Variants in TECTA observed in about 807,000 individuals in gnomAD.
TECTA encodes the protein tectorin alpha.
A neutral mutation model predicts 216.8 loss-of-function variants in TECTA; 128 were observed. The ratio of observed to expected loss-of-function variants is 0.59; its 90% CI spans 0.51 to 0.68. The LOEUF (loss-of-function observed/expected upper bound fraction) is 0.68. Ranked by LOEUF, TECTA falls within the 30% of genes least tolerant of loss-of-function variation. The pLI is 0.00. For missense variants in TECTA, 2,551 were observed against 2,786.2 expected (o/e 0.92, Z 1.90); for synonymous variants, 1,089 against 1,117.1 (o/e 0.97, Z 0.50).
rs983781257 is a variant in TECTA at position 121,152,815 on chromosome 11, G to A, written c.4106-66G>A. The A allele has an allele frequency of 2.0e-5, 30 of 1,524,148 alleles. 1 individual carries two copies. In the South Asian group the frequency reaches 3.0e-4, roughly 15 times the overall value. The allele number at this position is 1,524,148 out of a possible 1,614,324, so 94.4% of individuals were successfully genotyped here. A position where few individuals can be genotyped will look rare whatever the true frequency, so the allele number is the denominator to read the frequency against. On this transcript the variant is annotated intron_variant, in intron 12 of 23. Transcript: ENST00000392793. ...CATCTCCCTGAGTAGGTGAGCAATG[G>A]CCATGAGAAAACCCTCCTCGGTGCC...
Position 121,165,298 on chromosome 11 carries a change from G to T in TECTA, c.5298G>T (p.Val1766=), listed in dbSNP as rs748070222. 66 of 1,607,342 alleles carry T rather than the reference G, an allele frequency of 4.1e-5. No individual in the cohort carries two copies. The highest frequency in any genetic ancestry group is 1.7e-5 in the Non-Finnish European group (20 of 1,177,118). ...CAGGAGTGGTTGAAGATCCCTGTGTGGGGGCGGACTGTCCCAACCGAACTT... is the reference window on the plus strand; with the variant it reads ...CAGGAGTGGTTGAAGATCCCTGTGTTGGGGCGGACTGTCCCAACCGAACTT... The part of the protein sequence containing the change: ...NCSGVVEDPC[V]GADCPNRTCE... Residue 1766 remains valine (V), a synonymous_variant, in exon 17 of 24, where the codon GTG becomes GTT. Coordinates refer to ENST00000392793, the MANE Select transcript of TECTA (RefSeq NM_005422.4).
At position 121,165,311 on chromosome 11, in the gene TECTA, C is replaced by G; in HGVS notation, c.5311C>G (p.Pro1771Ala). Reference sequence around the variant, plus strand: ...AGATCCCTGTGTGGGGGCGGACTGTCCCAACCGAACTTGCGAGCTGGGCAA... The same window carrying G: ...AGATCCCTGTGTGGGGGCGGACTGTGCCAACCGAACTTGCGAGCTGGGCAA... ...VEDPCVGADC[P>A]NRTCELGNGR... Residue 1771 changes from proline to alanine, a missense_variant, in exon 17 of 24, where the codon CCC (proline) becomes GCC (alanine). Pro to Ala is a conservative substitution (Grantham distance 27). Around this residue, in one of 3 missense-constraint regions of TECTA, gnomAD observed 2,375 missense variants for 2,563.9 expected, o/e 0.93. Coordinates refer to ENST00000392793, the MANE Select transcript of TECTA (RefSeq NM_005422.4). 6.2e-7 allele frequency: 1 copy of G among 1,608,594 alleles called. No individual in the cohort carries two copies. The highest frequency in any genetic ancestry group is 1.1e-5 in the South Asian group (1 of 89,192).
intron 20 of TECTA, among the ~76,000 whole-genome samples, chr11:121,172,812 A>C (rs1591466248): frequency 6.6e-6 from 1 of 151,958 alleles, no homozygotes; most frequent in Non-Finnish European, 1.5e-5. Flanking sequence ...CCAACAGTGT[A>C]AAAGTGTTCC....
intron 13 of TECTA, among the ~76,000 whole-genome samples, chr11:121,154,697 AT>A (rs1483362129): frequency 1.3e-5 from 2 of 152,216 alleles, no homozygotes; most frequent in Non-Finnish European, 2.9e-5. Flanking sequence ...AAACGCTGTC[AT>A]TTCTCTGAGC....
chr11:121,138,900 T>C (rs1167383879), intron 11 of TECTA, among the ~76,000 whole-genome samples: 1 of 152,228 alleles, frequency 6.6e-6, no homozygotes, highest in Non-Finnish European at 1.5e-5. Context: ...TGTGTCATAA[T>C]TTTTCTATCT....
Position 121,127,601 on chromosome 11 carries a change from A to T in TECTA, c.1775-151A>T. 1.2e-6 allele frequency: 1 copy of T among 822,328 alleles called. No homozygotes were observed. Among genetic ancestry groups the T allele is most frequent in the Non-Finnish European group, 2.0e-6 (1 of 491,850 alleles). 50.9% of individuals were successfully genotyped at this position (822,328 alleles called of 1,614,324 possible). A position where few individuals can be genotyped will look rare whatever the true frequency, so the allele number is the denominator to read the frequency against. On this transcript the variant is annotated intron_variant, in intron 8 of 23. Transcript: ENST00000392793. This position sits in a 1 kb window ranked among gnomAD's most constrained non-coding sequence, Gnocchi z 5.0. ...TAGGAGAGTCATTGAGCTGGGTTTTACAGATACAACCTCAATTCTGTCTTC... is the reference window on the plus strand; with the variant it reads ...TAGGAGAGTCATTGAGCTGGGTTTTTCAGATACAACCTCAATTCTGTCTTC...
intron 6 of TECTA, among the ~76,000 whole-genome samples, chr11:121,115,570 A>G (rs1161712530): frequency 1.3e-5 from 2 of 152,182 alleles, no homozygotes; most frequent in East Asian, 1.9e-4. Flanking sequence ...CCCCTCAGAT[A>G]GAAGCTTGGA....
chr11:121,146,402 C>T (rs553117496), intron 12 of TECTA: 25 of 482,036 alleles, frequency 5.2e-5, no homozygotes, highest in African/African-American at 1.6e-4. Flanking sequence ...GGCACTTGGA[C>T]GCACAAAGTT....
intron 11 of TECTA, among the ~76,000 whole-genome samples, chr11:121,144,960 A>G (rs1282295355): frequency 6.6e-6 from 1 of 152,066 alleles, no homozygotes; most frequent in Non-Finnish European, 1.5e-5. Flanking sequence ...AGTATAAATA[A>G]CCTGCCCTGG....
chr11:121,173,133 G>T (rs1289475274), intron 20 of TECTA, among the ~76,000 whole-genome samples: 1 of 152,098 alleles, frequency 6.6e-6, no homozygotes, highest in African/African-American at 2.4e-5. Context: ...CTCCCATTTT[G>T]CAGGTTGCCT....
chr11:121,165,315 A>G lies in TECTA; in HGVS notation c.5315A>G (p.Asn1772Ser). 1 of 1,608,948 alleles carries G rather than the reference A, an allele frequency of 6.2e-7. No homozygotes were observed. Among genetic ancestry groups the G allele is most frequent in the South Asian group, 1.1e-5 (1 of 89,258 alleles). Residue 1772 changes from asparagine to serine, a missense_variant, in exon 17 of 24, where the codon AAC (asparagine) becomes AGC (serine). Physicochemically the swap from Asn to Ser is conservative, Grantham distance 46. Around this residue, in one of 3 missense-constraint regions of TECTA, gnomAD observed 2,375 missense variants for 2,563.9 expected, o/e 0.93. Transcript: ENST00000392793. ...CCCTGTGTGGGGGCGGACTGTCCCAACCGAACTTGCGAGCTGGGCAATGGC... is the reference window on the plus strand; with the variant it reads ...CCCTGTGTGGGGGCGGACTGTCCCAGCCGAACTTGCGAGCTGGGCAATGGC... ...EDPCVGADCP[N>S]RTCELGNGRE...
intron 20 of TECTA, among the ~76,000 whole-genome samples, chr11:121,175,140 C>T (rs1947152315): frequency 6.6e-6 from 1 of 151,764 alleles, no homozygotes. Flanking sequence ...TTCAAAAAAC[C>T]AGCTCCTGGA....
Position 121,190,897 on chromosome 11 carries a change from T to C in TECTA, c.*91T>C, listed in dbSNP as rs1270108282. 3.0e-6 allele frequency: 3 copies of C among 999,040 alleles called. No individual in the cohort carries two copies. Among genetic ancestry groups the C allele is most frequent in the Non-Finnish European group, 4.5e-6 (3 of 659,692 alleles). The allele number at this position is 999,040 out of a possible 1,614,324, so 61.9% of individuals were successfully genotyped here. A position where few individuals can be genotyped will look rare whatever the true frequency, so the allele number is the denominator to read the frequency against. Reference sequence around the variant, plus strand: ...TGTGTGCCCTTAAGTCAAAACCTATTTGAAAGTGTCCAGCATCTCAAAATG... The same window carrying C: ...TGTGTGCCCTTAAGTCAAAACCTATCTGAAAGTGTCCAGCATCTCAAAATG... On this transcript the variant is annotated 3_prime_UTR_variant, in exon 24 of 24. Transcript: ENST00000392793.
rs143259692 is a variant in TECTA at position 121,170,559 on chromosome 11, C to G, written c.5999+1634C>G. ...GTCCCACCAGTAGTGTAGAAGAGTT[C>G]CCCTTTCTCCATATCCTCACTAGCA... On this transcript the variant is annotated intron_variant, in intron 20 of 23. Coordinates refer to ENST00000392793, the MANE Select transcript of TECTA (RefSeq NM_005422.4). 5.8e-3 allele frequency among the ~76,000 whole-genome samples: 878 copies of G among 152,142 alleles called. 6 individuals are homozygous for G. Among genetic ancestry groups the G allele is most frequent in the Middle Eastern group, 0.044 (13 of 294 alleles).
intron 20 of TECTA, among the ~76,000 whole-genome samples, chr11:121,172,408 A>G (rs542196270): frequency 1.5e-4 from 22 of 150,806 alleles, no homozygotes; most frequent in African/African-American, 5.2e-4. Flanking sequence ...CTCATTGTCC[A>G]GTTCCCACCT....
In TECTA at chr11:121,128,219, G is replaced by C. The variant is rs1299697612; in HGVS notation, c.2242G>C (p.Glu748Gln). ...TLLKTCPERP[E>Q]YLEIDINKKK... ...CCTGAAGACCTGCCCTGAGCGCCCA[G>C]AGTACTTGGAAATCGACATCAACAA... Residue 748 changes from glutamate (E) to glutamine (Q), a missense_variant, in exon 9 of 24, where the codon GAG becomes CAG. By Grantham distance (29) the Glu-to-Gln change is conservative. Around this residue, in one of 3 missense-constraint regions of TECTA, gnomAD observed 2,375 missense variants for 2,563.9 expected, o/e 0.93. Coordinates refer to ENST00000392793, the MANE Select transcript of TECTA (RefSeq NM_005422.4). 1 of 1,603,274 alleles carries C rather than the reference G, an allele frequency of 6.2e-7. No homozygotes were observed. The highest frequency in any genetic ancestry group is 1.3e-5 in the African/African-American group (1 of 74,946).
chr11:121,124,630 T>C (rs1374661902), intron 7 of TECTA, among the ~76,000 whole-genome samples: 2 of 152,266 alleles, frequency 1.3e-5, no homozygotes, highest in African/African-American at 4.8e-5. Flanking sequence ...TTCAGCAGAC[T>C]GAGGGCTCCT....
At chr11:121,161,991 A>G in intron 15 of TECTA, 84 bp from the exon 16 acceptor site, 1 of 1,578,764 alleles carries the variant, frequency 6.3e-7, no homozygotes, top group Non-Finnish European at 8.7e-7. Flanking sequence ...CACTAGCTTC[A>G]GGGGTAGCAA....
chr11:121,151,474 G>T (rs1488197417), intron 12 of TECTA, among the ~76,000 whole-genome samples: 1 of 152,216 alleles, frequency 6.6e-6, no homozygotes, highest in East Asian at 1.9e-4. Flanking sequence ...GCAGAAATGT[G>T]TATATATTAT....
Sources: allele counts gnomAD v4.1 joint callset (sites outside exome capture counted in the v4.1 genomes callset), GRCh38; gene constraint gnomAD v4.1.1; regional missense constraint gnomAD v4.1.1; non-coding constraint Gnocchi (gnomAD v3.1); transcripts MANE v1.5; gene names NCBI Gene and HGNC (gene_info 2026-07-23, HGNC 2026-07-21).